The following UVRAG variants were observed in gnomAD, a reference collection of about 807,000 sequenced individuals.
The protein encoded by UVRAG is UV radiation resistance-associated gene protein.
UVRAG carries 19 observed loss-of-function variants against 78.0 expected under a neutral mutation model. That is an observed-to-expected ratio of 0.24 (90% CI 0.17 to 0.36). UVRAG has a LOEUF of 0.36. UVRAG is among the 10% of genes least tolerant of loss of function. The pLI, the probability that UVRAG is intolerant of heterozygous loss-of-function variation, is 1.00. For synonymous variants in UVRAG, 323 were observed against 324.6 expected, an observed-to-expected ratio of 1.00 and a Z score of 0.05; for missense variants, 740 against 853.8, an observed-to-expected ratio of 0.87 and a Z score of 1.66.
chr11:75,840,859 A>G (rs543154035), intron 1 of UVRAG, among the ~76,000 whole-genome samples: 1 of 152,322 alleles, frequency 6.6e-6, no homozygotes, highest in Non-Finnish European at 1.5e-5. Flanking sequence ...GTTGGATCAA[A>G]GGATTAGGAA....
Position 76,141,032 on chromosome 11 carries a change from CGGA to C in UVRAG, c.1722_1724del (p.Gly575del). 6.2e-7 allele frequency: 1 copy of C among 1,614,160 alleles called. No homozygotes were observed. The highest frequency in any genetic ancestry group is 1.7e-5 in the Admixed American group (1 of 60,016). ...GAGAGGATCTAGTTGGCAGCTTAAA[CGGA>C]GGCCACGCGAATGTGCACCCTAGCC... On this transcript the variant is annotated inframe_deletion, in exon 15 of 15. Coordinates refer to ENST00000356136, the MANE Select transcript of UVRAG (RefSeq NM_003369.4).
intron 3 of UVRAG, among the ~76,000 whole-genome samples, chr11:75,862,411 G>A (rs1946441537): frequency 1.3e-5 from 2 of 152,168 alleles, no homozygotes; most frequent in Admixed American, 6.5e-5. Context: ...TTATTAGGCT[G>A]TGTTGAAAAC....
At chr11:75,930,920 G>A (rs78147260) in intron 6 of UVRAG, 4,823 of 119,218 alleles carry the variant, frequency 0.04, 106 homozygotes, top group Non-Finnish European at 0.058. Flanking sequence ...AAGGTAAAGT[G>A]TCGGGATTTT....
chr11:75,982,909 G>A (rs1949421353), intron 7 of UVRAG, among the ~76,000 whole-genome samples: 1 of 152,086 alleles, frequency 6.6e-6, no homozygotes, highest in African/African-American at 2.4e-5. Flanking sequence ...CCTTTCATCA[G>A]TTGGTGGACA....
At chr11:76,083,229 G>A (rs1478527654) in intron 13 of UVRAG, among the ~76,000 whole-genome samples, 4 of 152,136 alleles carry the variant, frequency 2.6e-5, no homozygotes, top group African/African-American at 9.7e-5. Context: ...TTTTACAGGT[G>A]AGGAAACAGG....
chr11:76,094,070 G>C (rs970029826), intron 13 of UVRAG, among the ~76,000 whole-genome samples: 4 of 152,078 alleles, frequency 2.6e-5, no homozygotes, highest in Non-Finnish European at 5.9e-5. Context: ...TAGCATGCAG[G>C]GCTGTTGAAT....
In UVRAG at chr11:75,983,634, G is replaced by A. The variant is rs1440604872; in HGVS notation, c.826+121G>A. The A allele has an allele frequency of 9.2e-5, 120 of 1,301,524 alleles. No individual in the cohort carries two copies. The East Asian group carries it at 3.1e-3, about 33-fold the overall frequency. 80.6% of individuals were successfully genotyped at this position (1,301,524 alleles called of 1,614,324 possible). A position where few individuals can be genotyped will look rare whatever the true frequency, so the allele number is the denominator to read the frequency against. ...TACAGTCACACATCACTTAATGACAGGGATATATTCTGGAAATGCATCCTT... is the reference window on the plus strand; with the variant it reads ...TACAGTCACACATCACTTAATGACAAGGATATATTCTGGAAATGCATCCTT... On this transcript the variant is annotated intron_variant, in intron 8 of 14. Coordinates refer to ENST00000356136, the MANE Select transcript of UVRAG (RefSeq NM_003369.4).
chr11:75,977,281 A>C (rs893747414), intron 7 of UVRAG, among the ~76,000 whole-genome samples: 3 of 152,184 alleles, frequency 2.0e-5, no homozygotes, highest in African/African-American at 4.8e-5. Flanking sequence ...GGAGGGCTTT[A>C]CTTCCAACTA....
chr11:75,846,084 C>T (rs964546189), intron 1 of UVRAG, among the ~76,000 whole-genome samples: 2 of 152,100 alleles, frequency 1.3e-5, no homozygotes, highest in African/African-American at 4.8e-5. Context: ...TGTAGCTGGA[C>T]CATTAATTCT....
intron 13 of UVRAG, among the ~76,000 whole-genome samples, chr11:76,100,784 A>C (rs1304941810): frequency 1.3e-5 from 2 of 152,076 alleles, no homozygotes; most frequent in Non-Finnish European, 2.9e-5. Context: ...GGTAGAACCC[A>C]GTATCTGTTG....
At chr11:75,948,139 A>G (rs1948617344) in intron 6 of UVRAG, among the ~76,000 whole-genome samples, 1 of 152,176 alleles carries the variant, frequency 6.6e-6, no homozygotes, top group East Asian at 1.9e-4. Context: ...TGGTGCTAGT[A>G]CATGGTGGTT....
chr11:75,983,790 G>A, intron 8 of UVRAG: 1 of 279,440 alleles, frequency 3.6e-6, no homozygotes, highest in Non-Finnish European at 6.6e-6. Context: ...AATACTGTAG[G>A]CAACTATAAC....
At chr11:75,942,049 G>A (rs928623830) in intron 6 of UVRAG, 1 of 152,118 alleles carries the variant, frequency 6.6e-6, no homozygotes, top group South Asian at 2.1e-4. Context: ...GAGATGGGGT[G>A]CCAGTTATAA....
At chr11:75,877,026 T>G (rs565416875) in intron 3 of UVRAG, among the ~76,000 whole-genome samples, 1 of 151,140 alleles carries the variant, frequency 6.6e-6, no homozygotes, top group African/African-American at 2.5e-5. Flanking sequence ...CCTGGGTACT[T>G]GAGATTAGGG....
At chr11:75,912,680 C>T (rs1170378057) in intron 6 of UVRAG, among the ~76,000 whole-genome samples, 1 of 152,344 alleles carries the variant, frequency 6.6e-6, no homozygotes, top group African/African-American at 2.4e-5. Context: ...TCACCCTACT[C>T]AGACAGATTG....
rs765833905 is a variant in UVRAG, at chr11:76,016,975, G to T, written c.1221G>T (p.Glu407Asp). 21 of 1,599,886 alleles carry T rather than the reference G, an allele frequency of 1.3e-5. No individual in the cohort carries two copies. Among genetic ancestry groups the T allele is most frequent in the Non-Finnish European group, 1.7e-5 (20 of 1,172,390 alleles). Residue 407 changes from glutamate to aspartate, a missense_variant, in exon 12 of 15, where the codon GAG becomes GAT. Coordinates refer to ENST00000356136, the MANE Select transcript of UVRAG (RefSeq NM_003369.4). ...TCAATGACAAACTGACGGAAAAGGA[G>T]AGAGAGTAAGTGTCTTTTTTTTAAA... ...DNINDKLTEK[E>D]REFPLYPKGG...
chr11:76,107,108 A>G (rs189677032), intron 13 of UVRAG, among the ~76,000 whole-genome samples: 30 of 152,374 alleles, frequency 2.0e-4, no homozygotes, highest in African/African-American at 7.2e-4. Context: ...CCAGAGTTGC[A>G]TGAGTTTAAT....
intron 1 of UVRAG, among the ~76,000 whole-genome samples, chr11:75,822,722 G>C (rs1945423626): frequency 6.6e-6 from 1 of 151,736 alleles, no homozygotes; most frequent in Middle Eastern, 3.2e-3. Context: ...CAGCCAGATG[G>C]AAGATATCAT....
intron 7 of UVRAG, among the ~76,000 whole-genome samples, chr11:75,981,738 T>C (rs1213541660): frequency 6.6e-6 from 1 of 152,204 alleles, no homozygotes; most frequent in Non-Finnish European, 1.5e-5. Flanking sequence ...TGTTCATTTT[T>C]TTTCAAGGCT....
Sources: allele counts gnomAD v4.1 joint callset (sites outside exome capture counted in the v4.1 genomes callset), GRCh38; gene constraint gnomAD v4.1.1; transcripts MANE v1.5; gene names NCBI Gene and HGNC (gene_info 2026-07-23, HGNC 2026-07-21).